YTHDC2: variants seen among roughly 807,000 people sequenced by gnomAD.
The protein encoded by YTHDC2 is YTH N6-methyladenosine RNA binding protein C2.
Under a neutral mutation model 174.9 loss-of-function variants are expected in YTHDC2, and 45 were observed. The ratio of observed to expected loss-of-function variants is 0.26; its 90% CI spans 0.20 to 0.33. YTHDC2 has a LOEUF of 0.33. Ranked by LOEUF, YTHDC2 falls within the 10% of genes least tolerant of loss-of-function variation. The pLI is 1.00. For synonymous variants in YTHDC2, 657 were observed against 574.5 expected (o/e 1.14, Z -2.05); for missense variants, 1,650 against 1,723.7 (o/e 0.96, Z 0.76).
intron 8 of YTHDC2, 147 bp from the exon 9 acceptor site, chr5:113,540,821 A>G (rs573744455): frequency 3.0e-6 from 2 of 666,380 alleles, no homozygotes; most frequent in Non-Finnish European, 4.8e-6. Flanking sequence ...TTTTTATTGA[A>G]TATTCTTAAT....
intron 26 of YTHDC2, among the ~76,000 whole-genome samples, chr5:113,585,629 CT>C (rs1026712776): frequency 9.0e-4 from 137 of 151,950 alleles, no homozygotes; most frequent in African/African-American, 3.1e-3. Context: ...CTGTTCTGCT[CT>C]TTGTCCCTTG....
chr5:113,548,515 T>A (rs760555325), intron 10 of YTHDC2, 26 bp from the exon 11 acceptor site: 2 of 1,567,712 alleles, frequency 1.3e-6, no homozygotes, highest in Admixed American at 2.1e-5. Flanking sequence ...GAAATTTAAG[T>A]TTTATTTATC....
chr5:113,564,460 G>A (rs1379906945), intron 20 of YTHDC2, among the ~76,000 whole-genome samples: 1 of 152,044 alleles, frequency 6.6e-6, no homozygotes, highest in Non-Finnish European at 1.5e-5. Context: ...AAGAAATACT[G>A]TATACTATTT....
chr5:113,535,602 T>C, intron 6 of YTHDC2, 40 bp from the exon 7 acceptor site: 1 of 1,527,618 alleles, frequency 6.5e-7, no homozygotes, highest in Non-Finnish European at 8.8e-7. Context: ...TCATCAATAA[T>C]GTTTTAACTG....
chr5:113,524,279 A>G, intron 2 of YTHDC2, among the ~76,000 whole-genome samples: 1 of 152,140 alleles, frequency 6.6e-6, no homozygotes, highest in East Asian at 1.9e-4. Flanking sequence ...ATAACACTAT[A>G]CCTACTACTC....
At chr5:113,541,247 A>C in intron 9 of YTHDC2, 131 bp downstream of exon 9, 1 of 1,006,514 alleles carries the variant, frequency 9.9e-7, no homozygotes. Flanking sequence ...GCTGGAGTGG[A>C]GTGGCGTGAT....
In YTHDC2 at chr5:113,533,058, C is replaced by A. The variant is rs1049036042; in HGVS notation, c.842+13C>A. On this transcript the variant is annotated intron_variant, in intron 5 of 29. Transcript: ENST00000161863. Reference sequence around the variant, plus strand: ...GATTAGAAAGCAGGTAAAAACAGTTCTCATGTATCTTCTCTTTTATCATGC... The same window carrying A: ...GATTAGAAAGCAGGTAAAAACAGTTATCATGTATCTTCTCTTTTATCATGC... The A allele has an allele frequency of 6.2e-7, 1 of 1,612,452 alleles. No individual in the cohort carries two copies. The highest frequency in any genetic ancestry group is 8.5e-7 in the Non-Finnish European group (1 of 1,179,286).
chr5:113,538,973 T>A, intron 7 of YTHDC2, 101 bp from the exon 8 acceptor site: 1 of 584,506 alleles, frequency 1.7e-6, no homozygotes, highest in Non-Finnish European at 2.9e-6. Flanking sequence ...GAAATTGCTT[T>A]TGGATATTAT....
At chr5:113,555,317 T>A (rs935801911) in intron 16 of YTHDC2, among the ~76,000 whole-genome samples, 23 of 140,624 alleles carry the variant, frequency 1.6e-4, no homozygotes, top group African/African-American at 5.3e-4. Flanking sequence ...TTTCTAAAAA[T>A]TTTATAAACT....
chr5:113,544,702 T>G (rs1383653153), intron 10 of YTHDC2, among the ~76,000 whole-genome samples: 1 of 152,028 alleles, frequency 6.6e-6, no homozygotes, highest in South Asian at 2.1e-4. Context: ...TTTTGTTTTT[T>G]TTTTGGGCTG....
intron 23 of YTHDC2, among the ~76,000 whole-genome samples, chr5:113,571,470 A>G (rs1397796122): frequency 6.6e-6 from 1 of 152,168 alleles, no homozygotes; most frequent in Non-Finnish European, 1.5e-5. Context: ...AGGCTTTGGT[A>G]TCAGTATGAT....
At chr5:113,526,809 T>TACAAAA in intron 4 of YTHDC2, 24 bp downstream of exon 4, 1 of 667,516 alleles carries the variant, frequency 1.5e-6, no homozygotes, top group Non-Finnish European at 1.9e-6. Context: ...TTGTTGTTTA[T>TACAAAA]AGAAAAAAAA....
chr5:113,568,279 A>G (rs1329552689), intron 23 of YTHDC2, among the ~76,000 whole-genome samples: 4 of 152,216 alleles, frequency 2.6e-5, no homozygotes, highest in African/African-American at 9.6e-5. Context: ...TTTTCATTAC[A>G]GAGATATCAA....
intron 25 of YTHDC2, 190 bp from the exon 26 acceptor site, chr5:113,584,112 A>G (rs923968079): frequency 8.0e-5 from 33 of 414,256 alleles, no homozygotes; most frequent in Non-Finnish European, 1.1e-4. Flanking sequence ...AGTTAGTTGT[A>G]AATTTAGAAC....
intron 1 of YTHDC2, 53 bp downstream of exon 1, chr5:113,514,135 A>G (rs753273640): frequency 1.3e-6 from 2 of 1,563,486 alleles, no homozygotes; most frequent in South Asian, 1.2e-5. Context: ...CCCTCACCCC[A>G]GCGCCCCCCA....
At chr5:113,585,121 A>G (rs1445992330) in intron 26 of YTHDC2, among the ~76,000 whole-genome samples, 2 of 152,068 alleles carry the variant, frequency 1.3e-5, no homozygotes, top group Non-Finnish European at 2.9e-5. Context: ...AAAAAGATTA[A>G]TTTAACTTTG....
At chr5:113,531,282 CAGTT>C (rs1774644524) in intron 4 of YTHDC2, among the ~76,000 whole-genome samples, 3 of 152,128 alleles carry the variant, frequency 2.0e-5, no homozygotes, top group South Asian at 4.1e-4. Context: ...TTTTGCCTGT[CAGTT>C]AGGCTGAGGG....
intron 16 of YTHDC2, among the ~76,000 whole-genome samples, chr5:113,555,584 A>G (rs1776552591): frequency 6.6e-6 from 1 of 152,166 alleles, no homozygotes; most frequent in South Asian, 2.1e-4. Context: ...GGTTAAAAAT[A>G]TTTCTCTTTG....
chr5:113,547,048 G>C (rs1453489079), intron 10 of YTHDC2, among the ~76,000 whole-genome samples: 1 of 152,120 alleles, frequency 6.6e-6, no homozygotes, highest in Non-Finnish European at 1.5e-5. Context: ...CCTCTTTCAC[G>C]TTATTCTGTT....
Sources: allele counts gnomAD v4.1 joint callset (sites outside exome capture counted in the v4.1 genomes callset), GRCh38; gene constraint gnomAD v4.1.1; transcripts MANE v1.5; gene names NCBI Gene and HGNC (gene_info 2026-07-23, HGNC 2026-07-21).